Variants in MAST4 observed in about 807,000 individuals in gnomAD.
The protein encoded by MAST4 is microtubule-associated serine/threonine-protein kinase 4.
Under a neutral mutation model 162.7 loss-of-function variants are expected in MAST4, and 89 were observed. The ratio of observed to expected loss-of-function variants is 0.55; its 90% confidence interval spans 0.46 to 0.65. The LOEUF (loss-of-function observed/expected upper bound fraction) is 0.65, where lower values mean the gene tolerates loss of function less well. MAST4 is among the 30% of genes least tolerant of loss of function. MAST4 has a pLI of 0.00. For missense variants in MAST4, 3,153 were observed against 3,374.0 expected (o/e 0.93, Z 1.62); for synonymous variants, 1,479 against 1,361.1 (o/e 1.09, Z -1.91).
At chr5:66,754,275 G>A (rs1753385647) in intron 1 of MAST4, among the ~76,000 whole-genome samples, 1 of 152,170 alleles carries the variant, frequency 6.6e-6, no homozygotes. Flanking sequence ...TGCTAGCAGG[G>A]ATACAGTTAA....
chr5:66,980,612 T>A (rs1314270241), intron 4 of MAST4, among the ~76,000 whole-genome samples: 1 of 152,220 alleles, frequency 6.6e-6, no homozygotes, highest in Non-Finnish European at 1.5e-5. Flanking sequence ...TGAAAATATA[T>A]TTTAAACGAG....
intron 5 of MAST4, among the ~76,000 whole-genome samples, chr5:67,055,021 T>G (rs1374688241): frequency 2.0e-5 from 3 of 152,106 alleles, no homozygotes; most frequent in Non-Finnish European, 4.4e-5. Flanking sequence ...TTTTTTTTTT[T>G]TCTTCAAAGT....
intron 19 of MAST4, among the ~76,000 whole-genome samples, chr5:67,137,623 G>A (rs750392854): frequency 2.6e-5 from 4 of 152,092 alleles, no homozygotes; most frequent in African/African-American, 4.8e-5. Context: ...TTCACCCACC[G>A]ATTCTCCTGT....
chr5:66,999,170 C>A (rs954134061), intron 4 of MAST4, among the ~76,000 whole-genome samples: 1 of 152,202 alleles, frequency 6.6e-6, no homozygotes, highest in African/African-American at 2.4e-5. Context: ...CCCCTTCATC[C>A]CTGTAAGGAT....
At chr5:66,813,963 T>C (rs574959372) in intron 3 of MAST4, among the ~76,000 whole-genome samples, 1 of 152,352 alleles carries the variant, frequency 6.6e-6, no homozygotes, top group African/African-American at 2.4e-5. Context: ...TCTTTAATTA[T>C]CCTACTTGTC....
At chr5:66,809,633 A>G (rs973143188) in intron 3 of MAST4, among the ~76,000 whole-genome samples, 1 of 152,260 alleles carries the variant, frequency 6.6e-6, no homozygotes, top group Non-Finnish European at 1.5e-5. Context: ...ACAGAAAGGT[A>G]TAAAATAAAA....
intron 3 of MAST4, chr5:66,828,868 C>T (rs1156967525): frequency 2.5e-6 from 4 of 1,605,552 alleles, no homozygotes; most frequent in South Asian, 1.1e-5. Context: ...CATTCTAAGA[C>T]GAAGAGGGCT....
intron 5 of MAST4, among the ~76,000 whole-genome samples, chr5:67,057,389 CCCA>C (rs893597880): frequency 6.6e-6 from 1 of 151,736 alleles, no homozygotes; most frequent in African/African-American, 2.4e-5. Context: ...TTACATGAGC[CCCA>C]CCAGTCATCA....
chr5:66,785,776 A>T (rs1472760918), intron 2 of MAST4, among the ~76,000 whole-genome samples: 1 of 152,248 alleles, frequency 6.6e-6, no homozygotes, highest in African/African-American at 2.4e-5. Context: ...GCCCTATAAC[A>T]GGTACTGGGG....
intron 1 of MAST4, among the ~76,000 whole-genome samples, chr5:66,635,557 C>G (rs948917731): frequency 3.3e-5 from 5 of 152,212 alleles, no homozygotes; most frequent in African/African-American, 1.2e-4. Context: ...AGGTGTGCAA[C>G]TGTTGCAACA....
At chr5:66,618,291 CGGG>C (rs952222189) in intron 1 of MAST4, among the ~76,000 whole-genome samples, 1 of 152,138 alleles carries the variant, frequency 6.6e-6, no homozygotes, top group African/African-American at 2.4e-5. Flanking sequence ...GGTGAGAAAA[CGGG>C]GGTTTCAGAG....
At chr5:67,100,789 C>A (rs1764939918) in intron 8 of MAST4, among the ~76,000 whole-genome samples, 197 bp downstream of exon 8, 1 of 152,144 alleles carries the variant, frequency 6.6e-6, no homozygotes, top group South Asian at 2.1e-4. Flanking sequence ...CTTTTCAGTT[C>A]TCACAATTTG....
At chr5:66,665,319 C>T (rs150899147) in intron 1 of MAST4, among the ~76,000 whole-genome samples, 2 of 151,890 alleles carry the variant, frequency 1.3e-5, no homozygotes, top group African/African-American at 4.8e-5. Flanking sequence ...AGTTGCATGC[C>T]ATGTGCTATG....
At chr5:67,017,755 T>C (rs166091) in intron 4 of MAST4, among the ~76,000 whole-genome samples, 22,982 of 151,756 alleles carry the variant, frequency 0.15, 1,814 homozygotes, top group South Asian at 0.25. Context: ...TGCGCCACTA[T>C]GCCCAGCTAA....
At chr5:66,704,195 C>T (rs1389665370) in intron 1 of MAST4, among the ~76,000 whole-genome samples, 1 of 152,126 alleles carries the variant, frequency 6.6e-6, no homozygotes, top group African/African-American at 2.4e-5. Flanking sequence ...ATCACCCTTG[C>T]AGAAGTACAC....
In MAST4 at chr5:67,166,126, C is replaced by T. The variant is rs115056755; in HGVS notation, c.6947C>T (p.Ala2316Val). The change falls in exon 29 of 29, where the codon GCG becomes GTG. Residue 2316 changes from alanine to valine, a missense_variant. Transcript: ENST00000403625. ...GGACACCCAGGGCCTAGTGAGCCAG[C>T]GGACCAGAAACTGTCCGCTGTTGGT... ...RPGHPGPSEPADQKLSAVGEK... is the reference protein window; with the variant it reads ...RPGHPGPSEPVDQKLSAVGEK... 704 of 1,602,308 alleles carry T rather than the reference C, an allele frequency of 4.4e-4. 3 individuals carry two copies. The African/African-American group carries it at 7.2e-3, about 16-fold the overall frequency.
intron 5 of MAST4, among the ~76,000 whole-genome samples, chr5:67,063,681 G>A (rs1317482176): frequency 6.6e-6 from 1 of 151,968 alleles, no homozygotes; most frequent in Non-Finnish European, 1.5e-5. Flanking sequence ...CATAGGGCAG[G>A]TTTTTCATTC....
At chr5:67,142,086 C>A (rs753958583) in intron 19 of MAST4, 29 bp from the exon 20 acceptor site, 1 of 1,606,874 alleles carries the variant, frequency 6.2e-7, no homozygotes, top group African/African-American at 1.3e-5. Flanking sequence ...TTAACACTTT[C>A]CTCTCTGTCT....
At chr5:66,860,689 G>A in intron 3 of MAST4, among the ~76,000 whole-genome samples, 1 of 138,092 alleles carries the variant, frequency 7.2e-6, no homozygotes, top group East Asian at 2.1e-4. Flanking sequence ...CTATCTTTCT[G>A]TCATCTGCCC....
Sources: gnomAD v4.1 joint callset for allele counts (sites outside exome capture counted in the v4.1 genomes callset) on GRCh38, gnomAD v4.1.1 for gene constraint, MANE v1.5 for transcripts, NCBI Gene and HGNC (gene_info 2026-07-23, HGNC 2026-07-21) for gene names.